SGCG: variants seen among roughly 807,000 people sequenced by gnomAD.
The protein encoded by SGCG is gamma-sarcoglycan.
A neutral mutation model predicts 29.3 loss-of-function variants in SGCG; 26 were observed. The ratio of observed to expected loss-of-function variants is 0.89; its 90% confidence interval spans 0.65 to 1.23. SGCG has a LOEUF of 1.23. SGCG is among the 50% of genes most tolerant of loss of function. The pLI, the probability that SGCG is intolerant of heterozygous loss-of-function variation, is 0.00. For synonymous variants in SGCG, 145 were observed against 129.7 expected (o/e 1.12, Z -0.80); for missense variants, 353 against 356.0 (o/e 0.99, Z 0.07).
intron 5 of SGCG, among the ~76,000 whole-genome samples, chr13:23,284,116 G>GT (rs1484414606): frequency 6.6e-6 from 1 of 152,096 alleles, no homozygotes; most frequent in Admixed American, 6.6e-5. Flanking sequence ...TACCTTTGTT[G>GT]TGTTCTCTCT....
upstream of SGCG, among the ~76,000 whole-genome samples, chr13:23,177,874 C>A (rs1393218137): frequency 6.6e-6 from 1 of 151,860 alleles, no homozygotes; most frequent in African/African-American, 2.4e-5. Flanking sequence ...CCACCACGCC[C>A]GGCCTGTGAG....
chr13:23,267,304 ACTCT>A (rs1480461020), intron 4 of SGCG, among the ~76,000 whole-genome samples: 2 of 152,210 alleles, frequency 1.3e-5, no homozygotes, highest in East Asian at 3.9e-4. Flanking sequence ...ACTGGCCTCT[ACTCT>A]GAGGAGTGTC....
chr13:23,257,946 G>A (rs1354737678), intron 4 of SGCG, among the ~76,000 whole-genome samples: 2 of 152,122 alleles, frequency 1.3e-5, no homozygotes, highest in Admixed American at 6.6e-5. Flanking sequence ...TTTGGTTACT[G>A]TAGCCTTGTA....
At chr13:23,161,911 A>G in the SGCG span, among the ~76,000 whole-genome samples, 3 of 152,248 alleles carry the variant, frequency 2.0e-5, no homozygotes, top group Non-Finnish European at 2.9e-5. Flanking sequence ...TGTATGATAC[A>G]CTTAACACCG....
At chr13:23,299,074 A>G (rs889691225) in intron 6 of SGCG, among the ~76,000 whole-genome samples, 1 of 152,062 alleles carries the variant, frequency 6.6e-6, no homozygotes, top group Admixed American at 6.6e-5. Context: ...GTGATTGGCA[A>G]TTTTATCCCC....
chr13:23,295,517 C>G lies in SGCG; in HGVS notation c.578+30C>G, dbSNP rs371254996. On this transcript the variant is annotated intron_variant, in intron 6 of 7. Transcript: ENST00000218867. ...GAATTTTTGTTCAAATATTAACAAC[C>G]TCTCCTGTAGAAGACAAGAGGGTAT... The G allele has an allele frequency of 8.2e-6, 12 of 1,462,518 alleles. No individual in the cohort carries two copies. The African/African-American group carries it at 8.3e-5, about 10-fold the overall frequency. 90.6% of individuals were successfully genotyped at this position (1,462,518 alleles called of 1,614,324 possible).
chr13:23,257,268 G>A (rs975946609), intron 4 of SGCG, among the ~76,000 whole-genome samples: 2 of 151,952 alleles, frequency 1.3e-5, no homozygotes, highest in African/African-American at 2.4e-5. Flanking sequence ...CTGGATATTA[G>A]CCCTTTATAT....
intron 4 of SGCG, among the ~76,000 whole-genome samples, chr13:23,265,797 A>G (rs187154958): frequency 6.6e-6 from 1 of 152,300 alleles, no homozygotes. Context: ...GTGGTGAAAA[A>G]GGAATGCTTA....
intron 2 of SGCG, among the ~76,000 whole-genome samples, chr13:23,218,338 T>G (rs1261226189): frequency 2.0e-5 from 3 of 152,152 alleles, no homozygotes; most frequent in Admixed American, 2.0e-4. Flanking sequence ...CTACAATAAT[T>G]CAACCCTTAT....
the SGCG span, among the ~76,000 whole-genome samples, chr13:23,172,694 G>A: frequency 6.6e-6 from 1 of 152,196 alleles, no homozygotes; most frequent in African/African-American, 2.4e-5. Context: ...TAATTAATGA[G>A]CATCTAGAGA....
chr13:23,227,466 C>T (rs1878945751), intron 2 of SGCG, among the ~76,000 whole-genome samples: 2 of 152,128 alleles, frequency 1.3e-5, no homozygotes, highest in African/African-American at 4.8e-5. Flanking sequence ...AAAAGTTAAC[C>T]TTAGACCCGC....
intron 1 of SGCG, among the ~76,000 whole-genome samples, chr13:23,198,883 C>T (rs9510620): frequency 0.26 from 38,428 of 146,286 alleles, 5,169 homozygotes; most frequent in East Asian, 0.32. Flanking sequence ...CCGAGGCAGG[C>T]GGATCACGAG....
At chr13:23,221,889 C>T (rs1878669821) in intron 2 of SGCG, among the ~76,000 whole-genome samples, 1 of 152,158 alleles carries the variant, frequency 6.6e-6, no homozygotes, top group African/African-American at 2.4e-5. Flanking sequence ...AGTACCCATT[C>T]ATATATTATC....
chr13:23,281,908 C>T (rs1027033021), intron 5 of SGCG, among the ~76,000 whole-genome samples: 2 of 152,184 alleles, frequency 1.3e-5, no homozygotes, highest in African/African-American at 4.8e-5. Context: ...ATCCAGAGTC[C>T]CTGCTCTAGA....
intron 1 of SGCG, among the ~76,000 whole-genome samples, chr13:23,188,977 T>G (rs1435557059): frequency 6.6e-6 from 1 of 152,142 alleles, no homozygotes; most frequent in Admixed American, 6.5e-5. Context: ...GAGGCCAGAT[T>G]GGTGAATTAA....
chr13:23,246,632 A>G (rs1188540955), intron 3 of SGCG: 1 of 215,436 alleles, frequency 4.6e-6, no homozygotes, highest in African/African-American at 2.3e-5. Flanking sequence ...AGAAAGAAGT[A>G]TTTTAAAAGC....
intron 6 of SGCG, among the ~76,000 whole-genome samples, chr13:23,307,420 A>G (rs1293564186): frequency 6.6e-6 from 1 of 152,096 alleles, no homozygotes; most frequent in Admixed American, 6.5e-5. Flanking sequence ...TGTATTTTAT[A>G]TTTTTCGTGA....
intron 1 of SGCG, among the ~76,000 whole-genome samples, chr13:23,186,933 G>A (rs140928915): frequency 4.0e-4 from 61 of 152,306 alleles, no homozygotes; most frequent in African/African-American, 1.3e-3. Flanking sequence ...CAGCCTACCT[G>A]TTAGTTCCCC....
chr13:23,194,181 A>T (rs909442932), intron 1 of SGCG, among the ~76,000 whole-genome samples: 10 of 152,324 alleles, frequency 6.6e-5, no homozygotes, highest in African/African-American at 2.2e-4. Flanking sequence ...TTCTATCTAA[A>T]GATTTGCCTG....
Sources: allele counts gnomAD v4.1 joint callset (sites outside exome capture counted in the v4.1 genomes callset), GRCh38; gene constraint gnomAD v4.1.1; transcripts MANE v1.5; gene names NCBI Gene and HGNC (gene_info 2026-07-23, HGNC 2026-07-21).